The following MACROD2 variants were observed in gnomAD, a reference collection of about 807,000 sequenced individuals.
The protein encoded by MACROD2 is ADP-ribose glycohydrolase MACROD2.
A neutral mutation model predicts 70.4 loss-of-function variants in MACROD2; 36 were observed. That is an observed-to-expected ratio of 0.51 (90% CI 0.39 to 0.68). The LOEUF is 0.68. MACROD2 is among the 30% of genes least tolerant of loss of function. MACROD2 has a pLI of 0.00. For missense variants in MACROD2, 496 were observed against 538.4 expected, an observed-to-expected ratio of 0.92 and a Z score of 0.78; for synonymous variants, 172 against 178.8, an observed-to-expected ratio of 0.96 and a Z score of 0.30.
At chr20:14,117,868 C>G (rs1601242807) in intron 3 of MACROD2, among the ~76,000 whole-genome samples, 1 of 152,126 alleles carries the variant, frequency 6.6e-6, no homozygotes, top group African/African-American at 2.4e-5. Context: ...TCCATACTTC[C>G]CCCACCAGGA....
At chr20:14,287,368 A>G (rs925084866) in intron 3 of MACROD2, among the ~76,000 whole-genome samples, 4 of 152,140 alleles carry the variant, frequency 2.6e-5, no homozygotes, top group African/African-American at 9.7e-5. Flanking sequence ...AAATTGGAGG[A>G]ATCCATGATT....
chr20:14,759,889 CAAG>C (rs1164469371), intron 5 of MACROD2, among the ~76,000 whole-genome samples: 1 of 151,962 alleles, frequency 6.6e-6, no homozygotes, highest in African/African-American at 2.4e-5. Context: ...TTCTGATTAT[CAAG>C]GAGGATTAAG....
chr20:14,245,716 A>G (rs1450303682), intron 3 of MACROD2, among the ~76,000 whole-genome samples: 1 of 152,212 alleles, frequency 6.6e-6, no homozygotes, highest in Non-Finnish European at 1.5e-5. Context: ...TCTTAATGCT[A>G]TAACTCCTAC....
At chr20:15,967,281 A>T (rs1406490616) in intron 12 of MACROD2, among the ~76,000 whole-genome samples, 1 of 152,106 alleles carries the variant, frequency 6.6e-6, no homozygotes, top group African/African-American at 2.4e-5. Context: ...ACTTTCCCTG[A>T]TGCAAAAAGC....
intron 3 of MACROD2, among the ~76,000 whole-genome samples, chr20:14,116,720 A>G (rs2054518223): frequency 6.6e-6 from 1 of 152,096 alleles, no homozygotes; most frequent in Non-Finnish European, 1.5e-5. Flanking sequence ...TTTATGACTT[A>G]GAACCCAGAT....
intron 8 of MACROD2, among the ~76,000 whole-genome samples, chr20:15,761,224 T>G (rs1003259078): frequency 6.6e-6 from 1 of 152,132 alleles, no homozygotes; most frequent in Non-Finnish European, 1.5e-5. Context: ...TTTTATATTT[T>G]TAGTAGAGAT....
intron 8 of MACROD2, among the ~76,000 whole-genome samples, chr20:15,600,279 T>C (rs150696761): frequency 2.0e-5 from 3 of 152,170 alleles, no homozygotes; most frequent in African/African-American, 7.2e-5. Flanking sequence ...CTACATTTGC[T>C]TCTTCCAAGT....
At chr20:15,074,612 C>T (rs1222497471) in intron 5 of MACROD2, among the ~76,000 whole-genome samples, 1 of 152,120 alleles carries the variant, frequency 6.6e-6, no homozygotes, top group Non-Finnish European at 1.5e-5. Context: ...GAAACCTGAA[C>T]CTGTGGTATC....
intron 6 of MACROD2, among the ~76,000 whole-genome samples, chr20:15,292,128 A>C (rs541775062): frequency 2.0e-5 from 3 of 152,108 alleles, no homozygotes; most frequent in Admixed American, 6.5e-5. Context: ...CTCCCATCTC[A>C]GCCTCCTGAA....
At chr20:14,765,168 A>G (rs1437230755) in intron 5 of MACROD2, among the ~76,000 whole-genome samples, 1 of 152,114 alleles carries the variant, frequency 6.6e-6, no homozygotes, top group Non-Finnish European at 1.5e-5. Context: ...TCATTAGAAA[A>G]TGTGATTCAA....
chr20:15,098,305 A>G (rs2075848548), intron 5 of MACROD2, among the ~76,000 whole-genome samples: 1 of 152,174 alleles, frequency 6.6e-6, no homozygotes, highest in Non-Finnish European at 1.5e-5. Flanking sequence ...GAAGCCATGA[A>G]AGGATAGGGC....
chr20:15,925,559 C>T (rs778962435), intron 10 of MACROD2, among the ~76,000 whole-genome samples: 5 of 152,264 alleles, frequency 3.3e-5, no homozygotes, highest in East Asian at 3.9e-4. Context: ...AGATATGCCA[C>T]GGCAAGTTTT....
intron 12 of MACROD2, among the ~76,000 whole-genome samples, chr20:15,952,163 G>A (rs1228611918): frequency 6.6e-6 from 1 of 152,110 alleles, no homozygotes; most frequent in Non-Finnish European, 1.5e-5. Flanking sequence ...TGCCATGATT[G>A]TGAGGCTTCC....
intron 5 of MACROD2, 144 bp downstream of exon 5, chr20:14,685,103 G>T: frequency 1.7e-6 from 1 of 578,142 alleles, no homozygotes; most frequent in East Asian, 3.0e-5. Context: ...TAATAAAAAC[G>T]TGCTTTCCAA....
At chr20:14,549,955 G>A (rs1424043282) in intron 4 of MACROD2, among the ~76,000 whole-genome samples, 1 of 147,674 alleles carries the variant, frequency 6.8e-6, no homozygotes, top group Non-Finnish European at 1.5e-5. Flanking sequence ...TTAAGATGGA[G>A]TCTTGCTCTG....
In MACROD2 at chr20:14,085,681, A is replaced by G. The variant is rs748816078; in HGVS notation, c.224A>G (p.Tyr75Cys). The G allele has an allele frequency of 8.9e-6, 14 of 1,574,966 alleles. No homozygotes were observed. The highest frequency in any genetic ancestry group is 1.2e-5 in the Non-Finnish European group (14 of 1,159,834). The change falls in exon 3 of 18, where the codon TAT becomes TGT. Residue 75 changes from tyrosine to cysteine, a missense_variant. Transcript: ENST00000684519. ...KKSLTEKVSL[Y>C]RGDITLLEVD... The stretch of plus-strand genomic sequence containing the variant: ...AGTTTGACTGAAAAAGTTTCTCTCT[A>G]TAGAGGTGACATCACATTGCTAGAG...
intron 4 of MACROD2, among the ~76,000 whole-genome samples, chr20:14,608,189 G>A (rs1982929506): frequency 6.6e-6 from 1 of 152,096 alleles, no homozygotes; most frequent in Non-Finnish European, 1.5e-5. Context: ...CTGGAGCACG[G>A]AGGTTGTAGT....
intron 7 of MACROD2, among the ~76,000 whole-genome samples, chr20:15,489,278 TC>T (rs1391957300): frequency 6.6e-6 from 1 of 152,130 alleles, no homozygotes; most frequent in African/African-American, 2.4e-5. Flanking sequence ...ATTTCCCTTT[TC>T]CCTTTTTATA....
chr20:15,838,682 G>A (rs534901629), intron 8 of MACROD2, among the ~76,000 whole-genome samples: 2 of 152,266 alleles, frequency 1.3e-5, no homozygotes, highest in East Asian at 3.9e-4. Context: ...ATTTTGATGA[G>A]TTTTTGGATC....
Sources: allele counts gnomAD v4.1 joint callset (sites outside exome capture counted in the v4.1 genomes callset), GRCh38; gene constraint gnomAD v4.1.1; transcripts MANE v1.5; gene names NCBI Gene and HGNC (gene_info 2026-07-23, HGNC 2026-07-21).